DLG1: variants seen among roughly 807,000 people sequenced by gnomAD.
DLG1 encodes the protein disks large homolog 1.
Under a neutral mutation model 123.4 loss-of-function variants are expected in DLG1, and 42 were observed. That is an observed-to-expected ratio of 0.34 (90% CI 0.27 to 0.44). The LOEUF (loss-of-function observed/expected upper bound fraction) is 0.44. DLG1 is among the 20% of genes least tolerant of loss of function. The pLI is 1.00. For missense variants in DLG1, 942 were observed against 1,082.6 expected (o/e 0.87, Z 1.82); for synonymous variants, 317 against 356.2 (o/e 0.89, Z 1.24).
At chr3:197,151,394 CTCA>C (rs1477911717) in intron 5 of DLG1, among the ~76,000 whole-genome samples, 1 of 152,132 alleles carries the variant, frequency 6.6e-6, no homozygotes, top group African/African-American at 2.4e-5. Flanking sequence ...TCAGTACCAA[CTCA>C]TCATCATTTT....
chr3:197,098,237 T>C (rs946088332), intron 14 of DLG1, among the ~76,000 whole-genome samples: 1 of 152,220 alleles, frequency 6.6e-6, no homozygotes, highest in Non-Finnish European at 1.5e-5. Flanking sequence ...GTATTACATT[T>C]CATGTAGCAT....
chr3:197,291,655 T>G (rs1218939935), intron 3 of DLG1, among the ~76,000 whole-genome samples: 1 of 152,244 alleles, frequency 6.6e-6, no homozygotes, highest in Non-Finnish European at 1.5e-5. Flanking sequence ...TCCCAATGGT[T>G]GACGGTGAGA....
At chr3:197,286,498 G>C (rs945328163) in intron 3 of DLG1, among the ~76,000 whole-genome samples, 2 of 152,178 alleles carry the variant, frequency 1.3e-5, no homozygotes, top group Non-Finnish European at 2.9e-5. Flanking sequence ...CTACTGACCT[G>C]ACGGGAGGCA....
At chr3:197,177,634 A>G (rs1418672115) in intron 5 of DLG1, among the ~76,000 whole-genome samples, 3 of 152,150 alleles carry the variant, frequency 2.0e-5, no homozygotes, top group East Asian at 3.8e-4. Flanking sequence ...ATAAATGGTT[A>G]TAACAGAGTG....
intron 18 of DLG1, among the ~76,000 whole-genome samples, chr3:197,073,673 T>C (rs1020802185): frequency 2.0e-5 from 3 of 152,220 alleles, no homozygotes; most frequent in African/African-American, 7.2e-5. Context: ...GACTCTCTTC[T>C]TCTCAGAATA....
At chr3:197,108,958 TTAAA>T (rs1560728303) in intron 13 of DLG1, among the ~76,000 whole-genome samples, 1 of 152,252 alleles carries the variant, frequency 6.6e-6, no homozygotes, top group Non-Finnish European at 1.5e-5. Flanking sequence ...TATTTTTATA[TTAAA>T]TAGATATTTC....
At chr3:197,106,859 A>T (rs1766748479) in intron 13 of DLG1, among the ~76,000 whole-genome samples, 1 of 152,214 alleles carries the variant, frequency 6.6e-6, no homozygotes, top group African/African-American at 2.4e-5. Context: ...CGACATTTTT[A>T]AAAATGGAGA....
At chr3:197,202,427 A>C (rs970947067) in intron 4 of DLG1, among the ~76,000 whole-genome samples, 9 of 152,182 alleles carry the variant, frequency 5.9e-5, no homozygotes, top group African/African-American at 2.2e-4. Flanking sequence ...GTATCCCAAC[A>C]ATAAGGATGG....
At chr3:197,171,369 C>T (rs1804108613) in intron 5 of DLG1, among the ~76,000 whole-genome samples, 1 of 152,082 alleles carries the variant, frequency 6.6e-6, no homozygotes, top group South Asian at 2.1e-4. Context: ...TTCACATAAG[C>T]CGGTATAGTA....
intron 19 of DLG1, among the ~76,000 whole-genome samples, chr3:197,067,039 T>C (rs561687662): frequency 6.6e-6 from 1 of 152,132 alleles, no homozygotes; most frequent in African/African-American, 2.4e-5. Flanking sequence ...TATGTGCTAC[T>C]CCTTTATTTA....
At chr3:197,106,988 C>A (rs532604721) in intron 13 of DLG1, among the ~76,000 whole-genome samples, 1 of 152,230 alleles carries the variant, frequency 6.6e-6, no homozygotes, top group South Asian at 2.1e-4. Flanking sequence ...TTCATTACCC[C>A]AAAAAGAAAC....
chr3:197,192,333 A>G (rs1561367829), intron 5 of DLG1, among the ~76,000 whole-genome samples: 1 of 152,238 alleles, frequency 6.6e-6, no homozygotes, highest in African/African-American at 2.4e-5. Context: ...TGTGGGATAC[A>G]TTTAAAAATG....
intron 4 of DLG1, among the ~76,000 whole-genome samples, chr3:197,235,215 C>G (rs998867000): frequency 9.2e-5 from 14 of 152,220 alleles, no homozygotes; most frequent in African/African-American, 3.4e-4. Context: ...AAACCCAAGC[C>G]AATACAGCCA....
chr3:197,136,916 C>T (rs1019318704), intron 9 of DLG1, among the ~76,000 whole-genome samples: 20 of 152,182 alleles, frequency 1.3e-4, no homozygotes, highest in African/African-American at 3.6e-4. Flanking sequence ...AGTATCTTTT[C>T]GCAAATGCAC....
At chr3:197,161,753 T>C (rs774365168) in intron 5 of DLG1, 20 of 1,518,204 alleles carry the variant, frequency 1.3e-5, no homozygotes, top group Non-Finnish European at 1.7e-5. Context: ...AAATCATCAA[T>C]GACAAAAAAT....
At chr3:197,229,236 C>T (rs1741574473) in intron 4 of DLG1, among the ~76,000 whole-genome samples, 1 of 151,814 alleles carries the variant, frequency 6.6e-6, no homozygotes, top group Non-Finnish European at 1.5e-5. Context: ...ACTAGAAGTC[C>T]CATCCCAGCA....
upstream of DLG1, chr3:197,299,208 A>G (rs533225064): frequency 5.3e-5 from 8 of 152,334 alleles, no homozygotes; most frequent in South Asian, 1.4e-3. Flanking sequence ...GTCACTGCCC[A>G]CGTCTTCGAA....
intron 9 of DLG1, 61 bp downstream of exon 9, chr3:197,138,160 TC>T: frequency 2.9e-6 from 3 of 1,033,694 alleles, no homozygotes; most frequent in Non-Finnish European, 4.0e-6. Context: ...CAGATAAAGT[TC>T]ATAGGTATAT....
At chr3:197,177,453 T>C (rs1290023085) in intron 5 of DLG1, among the ~76,000 whole-genome samples, 2 of 152,164 alleles carry the variant, frequency 1.3e-5, no homozygotes, top group Non-Finnish European at 2.9e-5. Flanking sequence ...ATTCCATTCC[T>C]TGGAGATGAA....
Sources: gnomAD v4.1 joint callset for allele counts (sites outside exome capture counted in the v4.1 genomes callset) on GRCh38, gnomAD v4.1.1 for gene constraint, MANE v1.5 for transcripts, NCBI Gene and HGNC (gene_info 2026-07-23, HGNC 2026-07-21) for gene names.